The following MYO5B variants were observed in gnomAD, a reference collection of about 807,000 sequenced individuals.
The protein encoded by MYO5B is unconventional myosin-Vb.
Under a neutral mutation model 229.3 loss-of-function variants are expected in MYO5B, and 143 were observed. The observed-to-expected ratio is 0.62, with a 90% CI of 0.54 to 0.72. The LOEUF (loss-of-function observed/expected upper bound fraction) is 0.72. Ranked by LOEUF, MYO5B falls within the 30% of genes least tolerant of loss-of-function variation. The pLI is 0.00. For missense variants in MYO5B, 2,321 were observed against 2,331.0 expected (o/e 1.00, Z 0.09); for synonymous variants, 918 against 885.2 (o/e 1.04, Z -0.66).
intron 31 of MYO5B, chr18:49,850,012 G>A (rs534971469): frequency 3.2e-5 from 12 of 371,886 alleles, no homozygotes; most frequent in South Asian, 6.8e-5. Flanking sequence ...AGGGTGGGGC[G>A]GGCAGCGCCC....
At chr18:50,160,985 G>A (rs1408000134) in intron 1 of MYO5B, among the ~76,000 whole-genome samples, 2 of 152,118 alleles carry the variant, frequency 1.3e-5, no homozygotes, top group Admixed American at 1.3e-4. Flanking sequence ...CCCTGTCCTG[G>A]GCTCTCAAGG....
At chr18:50,188,805 A>AAC (rs2033187681) in intron 1 of MYO5B, among the ~76,000 whole-genome samples, 1 of 66,410 alleles carries the variant, frequency 1.5e-5, no homozygotes, top group Non-Finnish European at 3.9e-5. Context: ...AAAAAAAAAA[A>AAC]AAAAAAAAAA....
chr18:50,147,926 T>C (rs983702987), intron 1 of MYO5B, among the ~76,000 whole-genome samples: 22 of 151,752 alleles, frequency 1.4e-4, no homozygotes, highest in Admixed American at 1.3e-3. Flanking sequence ...TGGAAATTGA[T>C]AGACCACTAG....
intron 29 of MYO5B, 103 bp downstream of exon 29, chr18:49,863,124 G>C (rs978462734): frequency 1.2e-6 from 1 of 867,296 alleles, no homozygotes; most frequent in Non-Finnish European, 1.9e-6. Flanking sequence ...ATTCTCTGAT[G>C]CTGAGCACAT....
intron 31 of MYO5B, among the ~76,000 whole-genome samples, chr18:49,851,770 G>A (rs566876806): frequency 6.6e-6 from 1 of 152,136 alleles, no homozygotes; most frequent in Non-Finnish European, 1.5e-5. Flanking sequence ...TTGTGCTGTG[G>A]TTACTTGTGT....
At chr18:50,169,716 T>G (rs2032899536) in intron 1 of MYO5B, among the ~76,000 whole-genome samples, 1 of 128,024 alleles carries the variant, frequency 7.8e-6, no homozygotes, top group Non-Finnish European at 1.7e-5. Context: ...GACAAAACTT[T>G]AAACCCAATT....
Position 49,992,444 on chromosome 18 carries a change from G to C in MYO5B, c.613-13C>G, listed in dbSNP as rs913619527. 1.2e-6 allele frequency: 2 copies of C among 1,613,840 alleles called. No individual in the cohort carries two copies. Among genetic ancestry groups the C allele is most frequent in the African/African-American group, 1.3e-5 (1 of 74,850 alleles). On this transcript the variant is annotated splice_polypyrimidine_tract_variant and intron_variant, in intron 5 of 39. Coordinates refer to ENST00000285039, the MANE Select transcript of MYO5B (RefSeq NM_001080467.3). Reference sequence around the variant, plus strand: ...CATTTCCAATGGCCTGCACAGACCAGACAGACAAAGGTATGAAAAAAAAAG... The same window carrying C: ...CATTTCCAATGGCCTGCACAGACCACACAGACAAAGGTATGAAAAAAAAAG...
chr18:50,094,674 A>G (rs1189205406), intron 1 of MYO5B, among the ~76,000 whole-genome samples: 1 of 152,202 alleles, frequency 6.6e-6, no homozygotes, highest in Non-Finnish European at 1.5e-5. Context: ...TTTATCAAAG[A>G]CAACAGAGAT....
intron 2 of MYO5B, among the ~76,000 whole-genome samples, chr18:50,040,563 T>G (rs1359707163): frequency 6.6e-6 from 1 of 152,248 alleles, no homozygotes; most frequent in Non-Finnish European, 1.5e-5. Context: ...AGTGTTCTAT[T>G]GCTTCTTAAG....
At chr18:50,188,693 C>T (rs780200480) in intron 1 of MYO5B, among the ~76,000 whole-genome samples, 9 of 148,798 alleles carry the variant, frequency 6.0e-5, no homozygotes, top group Admixed American at 2.0e-4. Context: ...AGGCTGAGGC[C>T]GCAGAATCAC....
chr18:49,963,009 G>C lies in MYO5B; in HGVS notation c.1344C>G (p.Asn448Lys). ...AGTTGATACAGAACTGCTCAAAGCTGTTTACCTCAAATGTCTCAAACCTAC... is the reference window on the plus strand; with the variant it reads ...AGTTGATACAGAACTGCTCAAAGCTCTTTACCTCAAATGTCTCAAACCTAC... ...DIYGFETFEV[N>K]SFEQFCINYA... The change falls in exon 11 of 40, where the codon AAC (asparagine) becomes AAG (lysine). Residue 448 changes from asparagine to lysine, a missense_variant. By Grantham distance (94) the Asn-to-Lys change is moderately conservative. Around this residue, in one of 2 missense-constraint regions of MYO5B, gnomAD observed 2,113 missense variants for 2,044.7 expected, o/e 1.03. Coordinates refer to ENST00000285039, the MANE Select transcript of MYO5B (RefSeq NM_001080467.3). 6.2e-7 allele frequency: 1 copy of C among 1,613,978 alleles called. No individual in the cohort carries two copies. The highest frequency in any genetic ancestry group is 8.5e-7 in the Non-Finnish European group (1 of 1,179,872).
chr18:49,846,360 C>T (rs2024126642), intron 33 of MYO5B, among the ~76,000 whole-genome samples: 1 of 152,188 alleles, frequency 6.6e-6, no homozygotes, highest in East Asian at 1.9e-4. Flanking sequence ...GATGCTGATG[C>T]TGATGCTGCT....
At chr18:50,137,604 C>G (rs1391606606) in intron 1 of MYO5B, among the ~76,000 whole-genome samples, 1 of 152,116 alleles carries the variant, frequency 6.6e-6, no homozygotes, top group Non-Finnish European at 1.5e-5. Context: ...ACAGAACCAC[C>G]ATTCAACTCA....
chr18:50,103,039 C>G (rs1292734254), intron 1 of MYO5B, among the ~76,000 whole-genome samples: 1 of 152,212 alleles, frequency 6.6e-6, no homozygotes, highest in Admixed American at 6.5e-5. Flanking sequence ...GCTCTGCTCT[C>G]TCCTTCCCAC....
At chr18:50,076,123 CA>C (rs1345333937) in intron 1 of MYO5B, among the ~76,000 whole-genome samples, 2 of 152,160 alleles carry the variant, frequency 1.3e-5, no homozygotes, top group Non-Finnish European at 2.9e-5. Flanking sequence ...GAAGGGTTGG[CA>C]AGATATTTCC....
At chr18:50,128,122 A>G (rs1432957975) in intron 1 of MYO5B, among the ~76,000 whole-genome samples, 1 of 152,214 alleles carries the variant, frequency 6.6e-6, no homozygotes, top group Non-Finnish European at 1.5e-5. Flanking sequence ...TAATTGTGTG[A>G]GTAATTCCAT....
At chr18:49,967,128 G>A (rs754503466) in intron 10 of MYO5B, among the ~76,000 whole-genome samples, 5 of 152,140 alleles carry the variant, frequency 3.3e-5, no homozygotes, top group Non-Finnish European at 7.4e-5. Flanking sequence ...CATAGAGTAA[G>A]AATCGATGCT....
At chr18:49,875,636 G>C (rs1473929775) in intron 26 of MYO5B, 51 bp downstream of exon 26, 2 of 1,612,314 alleles carry the variant, frequency 1.2e-6, no homozygotes, top group East Asian at 4.5e-5. Flanking sequence ...ACAAGAGCTA[G>C]ATTGTTCTCT....
chr18:50,056,351 T>C (rs1430650719), intron 1 of MYO5B, among the ~76,000 whole-genome samples: 1 of 152,182 alleles, frequency 6.6e-6, no homozygotes, highest in Non-Finnish European at 1.5e-5. Flanking sequence ...AGTCAGGATC[T>C]GAGGTGACAT....
Sources: allele counts gnomAD v4.1 joint callset (sites outside exome capture counted in the v4.1 genomes callset), GRCh38; gene constraint gnomAD v4.1.1; regional missense constraint gnomAD v4.1.1; transcripts MANE v1.5; gene names NCBI Gene and HGNC (gene_info 2026-07-23, HGNC 2026-07-21).